WWOX: variants seen among roughly 807,000 people sequenced by gnomAD.
WWOX encodes the protein WW domain-containing oxidoreductase.
A neutral mutation model predicts 46.2 loss-of-function variants in WWOX; 69 were observed. The observed-to-expected ratio is 1.49, with a 90% CI of 1.23 to 1.82. The LOEUF is 1.82. WWOX is among the 40% of genes most tolerant of loss of function. The probability of loss-of-function intolerance (pLI) is 0.00; values close to 1 mark genes in which losing one functional copy is unlikely to be tolerated. For missense variants in WWOX, 919 were observed against 542.6 expected (o/e 1.69, Z -6.89); for synonymous variants, 359 against 202.6 (o/e 1.77, Z -6.56).
chr16:78,409,716 G>A (rs72797954), intron 6 of WWOX, among the ~76,000 whole-genome samples: 6,656 of 152,150 alleles, frequency 0.044, 230 homozygotes, highest in South Asian at 0.17. Flanking sequence ...TTAAGGTGTC[G>A]GTATGGCTCT....
At chr16:78,722,758 G>A (rs563147629) in intron 8 of WWOX, among the ~76,000 whole-genome samples, 2 of 147,142 alleles carry the variant, frequency 1.4e-5, no homozygotes, top group South Asian at 2.2e-4. Flanking sequence ...ATCCTGTGAA[G>A]AGCTGGGTGT....
At chr16:78,219,214 A>C (rs530707378) in intron 5 of WWOX, among the ~76,000 whole-genome samples, 1 of 151,948 alleles carries the variant, frequency 6.6e-6, no homozygotes, top group African/African-American at 2.4e-5. Context: ...AAAAAAAAAA[A>C]TCACTGGATT....
In WWOX at chr16:78,812,418, A is replaced by C. The variant is rs182485747; in HGVS notation, c.1056+379666A>C. The stretch of plus-strand genomic sequence containing the variant: ...TTCTTGAAAATATTTGTTAAAAAAA[A>C]CCCAAAAACAGAAACATATCTGACT... On this transcript the variant is annotated intron_variant, in intron 8 of 8. Coordinates refer to ENST00000566780, the MANE Select transcript of WWOX (RefSeq NM_016373.4). Among the ~76,000 whole-genome samples, 118 of 152,176 alleles carry C rather than the reference A, an allele frequency of 7.8e-4. 1 individual carries two copies. The highest frequency in any genetic ancestry group is 6.8e-3 in the Middle Eastern group (2 of 294).
intron 5 of WWOX, among the ~76,000 whole-genome samples, chr16:78,295,635 C>G (rs2079933145): frequency 6.6e-6 from 1 of 152,182 alleles, no homozygotes; most frequent in Admixed American, 6.5e-5. Context: ...CGCTTGAACC[C>G]AGGAGATGGT....
chr16:78,364,794 T>C (rs1360076850), intron 5 of WWOX, among the ~76,000 whole-genome samples: 1 of 152,226 alleles, frequency 6.6e-6, no homozygotes, highest in Non-Finnish European at 1.5e-5. Context: ...CAGTGTAGCA[T>C]CTGATTACAG....
intron 8 of WWOX, among the ~76,000 whole-genome samples, chr16:78,799,357 A>C (rs189091302): frequency 1.9e-3 from 284 of 152,324 alleles, no homozygotes; most frequent in African/African-American, 6.4e-3. Context: ...TATGGTGTCC[A>C]TCTGGGTTAG....
chr16:78,625,255 T>C (rs1009130517), intron 8 of WWOX, among the ~76,000 whole-genome samples: 3 of 152,132 alleles, frequency 2.0e-5, no homozygotes, highest in African/African-American at 7.2e-5. Context: ...AGCCCCACTC[T>C]TTAGCCTCAG....
chr16:78,291,549 A>G (rs2079857658), intron 5 of WWOX, among the ~76,000 whole-genome samples: 1 of 152,082 alleles, frequency 6.6e-6, no homozygotes, highest in African/African-American at 2.4e-5. Context: ...GTTTCTTATT[A>G]TTTCGGTCTG....
At chr16:78,929,665 C>A (rs986533516) in intron 8 of WWOX, among the ~76,000 whole-genome samples, 2 of 152,068 alleles carry the variant, frequency 1.3e-5, no homozygotes, top group African/African-American at 2.4e-5. Context: ...TAAAGACCCG[C>A]GTGGACTGCA....
At chr16:78,621,592 C>CTTTTTTTTTTTTTTTGTTTTTTTTTTTT (rs2046185254) in intron 8 of WWOX, among the ~76,000 whole-genome samples, 1 of 31,512 alleles carries the variant, frequency 3.2e-5, no homozygotes, top group South Asian at 1.2e-3. Flanking sequence ...TTGTTCTAAT[C>CTTTTTTTTTTTTTTTGTTTTTTTTTTTT]TTTTTTTTTT....
chr16:78,304,366 T>C (rs1365882555), intron 5 of WWOX, among the ~76,000 whole-genome samples: 1 of 152,210 alleles, frequency 6.6e-6, no homozygotes, highest in Non-Finnish European at 1.5e-5. Flanking sequence ...AAAGGGTGAG[T>C]GTGGAGGTTT....
intron 8 of WWOX, among the ~76,000 whole-genome samples, chr16:78,970,561 A>G (rs2046449889): frequency 6.6e-6 from 1 of 152,236 alleles, no homozygotes; most frequent in Non-Finnish European, 1.5e-5. Context: ...CTCACCAAGT[A>G]TGGAAGTGGA....
At position 78,532,313 on chromosome 16, in the gene WWOX, C is replaced by T. The variant is rs550591932; in HGVS notation, c.1056+99561C>T. ...ATGCCATTTTGGCAACAGATGACTT[C>T]GGTTCAAGTCCTCTCTCTGTCTCTT... On this transcript the variant is annotated intron_variant, in intron 8 of 8. Coordinates refer to ENST00000566780, the MANE Select transcript of WWOX (RefSeq NM_016373.4). Among the ~76,000 whole-genome samples, 39 of 152,222 alleles carry T rather than the reference C, an allele frequency of 2.6e-4. No homozygotes were observed. In the East Asian group the frequency reaches 6.4e-3, roughly 25 times the overall value.
chr16:78,310,677 A>G (rs959821065), intron 5 of WWOX, among the ~76,000 whole-genome samples: 1 of 152,216 alleles, frequency 6.6e-6, no homozygotes, highest in Non-Finnish European at 1.5e-5. Flanking sequence ...TCGGGGATTT[A>G]TACCCCAAAA....
At chr16:78,477,032 T>G (rs189472338) in intron 8 of WWOX, among the ~76,000 whole-genome samples, 59 of 152,250 alleles carry the variant, frequency 3.9e-4, no homozygotes, top group African/African-American at 1.4e-3. Context: ...AATAAATTAT[T>G]TATACATTTA....
At chr16:78,110,339 C>CAAA (rs34862048) in intron 3 of WWOX, among the ~76,000 whole-genome samples, 2,262 of 85,434 alleles carry the variant, frequency 0.026, 52 homozygotes, top group Middle Eastern at 0.044. Flanking sequence ...GACTCCTTCT[C>CAAA]AAAAAAAAAA....
intron 8 of WWOX, among the ~76,000 whole-genome samples, chr16:78,803,990 T>C (rs143320058): frequency 1.3e-3 from 200 of 152,136 alleles, no homozygotes; most frequent in African/African-American, 4.6e-3. Context: ...CTTAGCTGAT[T>C]GATGATGAGA....
chr16:78,377,327 A>G (rs2081853613), intron 5 of WWOX, among the ~76,000 whole-genome samples: 1 of 152,224 alleles, frequency 6.6e-6, no homozygotes, highest in Non-Finnish European at 1.5e-5. Flanking sequence ...CTGCTGAAGG[A>G]TTCTTTATCA....
At chr16:78,910,265 C>A in intron 8 of WWOX, among the ~76,000 whole-genome samples, 1 of 150,220 alleles carries the variant, frequency 6.7e-6, no homozygotes, top group East Asian at 1.9e-4. Context: ...TCCCTGCTTT[C>A]TCCTGACATC....
Sources: gnomAD v4.1 joint callset for allele counts (sites outside exome capture counted in the v4.1 genomes callset) on GRCh38, gnomAD v4.1.1 for gene constraint, MANE v1.5 for transcripts, NCBI Gene and HGNC (gene_info 2026-07-23, HGNC 2026-07-21) for gene names.